ANXA8: variants seen among roughly 807,000 people sequenced by gnomAD.
ANXA8 encodes VAC-beta.
A neutral mutation model predicts 26.8 loss-of-function variants in ANXA8; 9 were observed. The observed-to-expected ratio is 0.34, with a 90% confidence interval of 0.20 to 0.59. The LOEUF is 0.59. Among genes scored for constraint, ANXA8 ranks in the 20% least tolerant of loss-of-function variants. The pLI is 0.84. For missense variants in ANXA8, 83 were observed against 238.5 expected (o/e 0.35, Z 4.29); for synonymous variants, 39 against 94.8 (o/e 0.41, Z 3.42).
chr10:47,493,163 G>C, the ANXA8 span, among the ~76,000 whole-genome samples: 2 of 149,526 alleles, frequency 1.3e-5, 1 homozygote, highest in African/African-American at 4.9e-5. Flanking sequence ...CAATTTAGAG[G>C]GGCCTCTTTA....
the ANXA8 span, among the ~76,000 whole-genome samples, chr10:47,696,130 T>G: frequency 6.6e-6 from 1 of 151,918 alleles, no homozygotes. Context: ...TTTCCTTATG[T>G]AAATAAAAGC....
the ANXA8 span, among the ~76,000 whole-genome samples, chr10:47,975,787 G>T: frequency 0.053 from 7,508 of 140,532 alleles, 1 homozygote; most frequent in African/African-American, 0.2. Context: ...TACAGAGAAG[G>T]CTCTACAGAC....
chr10:47,954,345 A>G, the ANXA8 span, among the ~76,000 whole-genome samples: 1 of 151,154 alleles, frequency 6.6e-6, no homozygotes, highest in Non-Finnish European at 1.5e-5. Flanking sequence ...AAAATTAAAA[A>G]TATTGAACTC....
the ANXA8 span, among the ~76,000 whole-genome samples, chr10:47,540,344 A>G: frequency 1.0e-5 from 1 of 96,950 alleles, no homozygotes; most frequent in Non-Finnish European, 2.0e-5. Context: ...GATCTGATAA[A>G]CACCGGAAGA....
the ANXA8 span, among the ~76,000 whole-genome samples, chr10:47,733,207 T>TCTCTC: frequency 4.4e-5 from 4 of 90,054 alleles, no homozygotes; most frequent in South Asian, 4.1e-4. Context: ...CTTTCTTTCT[T>TCTCTC]TCTTTCTTTC....
the ANXA8 span, among the ~76,000 whole-genome samples, chr10:47,743,283 C>CACATATATATACATAT: frequency 6.1e-5 from 5 of 81,988 alleles, no homozygotes; most frequent in Non-Finnish European, 1.2e-4. Flanking sequence ...TATATACACA[C>CACATATATATACATAT]ATATATATAT....
the ANXA8 span, among the ~76,000 whole-genome samples, chr10:47,775,472 G>A: frequency 7.2e-6 from 1 of 138,988 alleles, no homozygotes; most frequent in Non-Finnish European, 1.6e-5. Flanking sequence ...AGAGCTGTGA[G>A]GACATAAACA....
the ANXA8 span, among the ~76,000 whole-genome samples, chr10:47,554,384 G>C: frequency 6.7e-6 from 1 of 150,346 alleles, no homozygotes; most frequent in Non-Finnish European, 1.5e-5. Flanking sequence ...TGAGGGCAGG[G>C]ACAAACTGAC....
chr10:47,528,555 T>C, the ANXA8 span, among the ~76,000 whole-genome samples: 25 of 151,466 alleles, frequency 1.7e-4, no homozygotes, highest in African/African-American at 5.6e-4. Context: ...AGGAGTTCAA[T>C]TATAAATAAG....
At chr10:47,733,247 CTTTCTTTCTT>C in the ANXA8 span, among the ~76,000 whole-genome samples, 17 of 87,578 alleles carry the variant, frequency 1.9e-4, 1 homozygote, top group African/African-American at 7.4e-4. Flanking sequence ...TTCTTTCTTT[CTTTCTTTCTT>C]TCTTTCTTTC....
At chr10:47,948,850 G>A in the ANXA8 span, among the ~76,000 whole-genome samples, 5 of 151,658 alleles carry the variant, frequency 3.3e-5, no homozygotes, top group Non-Finnish European at 7.4e-5. Flanking sequence ...TAAGAAATGT[G>A]GGTGGGCTTC....
the ANXA8 span, chr10:47,520,516 C>A: frequency 6.6e-7 from 1 of 1,514,148 alleles, no homozygotes; most frequent in Non-Finnish European, 8.8e-7. Flanking sequence ...TTGAGAGTTC[C>A]TCTGGAATAT....
At chr10:47,513,097 T>G in the ANXA8 span, among the ~76,000 whole-genome samples, 1 of 145,836 alleles carries the variant, frequency 6.9e-6, no homozygotes, top group Non-Finnish European at 1.5e-5. Flanking sequence ...TGCAATGCGG[T>G]GATCTTGGCT....
At chr10:47,490,427 G>A in the ANXA8 span, 2 of 150,984 alleles carry the variant, frequency 1.3e-5, no homozygotes, top group Admixed American at 6.5e-5. Context: ...TGGGAGCAGG[G>A]CGCTATCGCG....
the ANXA8 span, chr10:47,986,577 C>T: frequency 2.8e-6 from 1 of 355,932 alleles, no homozygotes; most frequent in Admixed American, 3.8e-5. Context: ...AGCAGTGACC[C>T]ACAGGGGCCA....
the ANXA8 span, among the ~76,000 whole-genome samples, chr10:47,648,330 A>G: frequency 1.3e-5 from 2 of 151,356 alleles, no homozygotes; most frequent in African/African-American, 2.4e-5. Flanking sequence ...TTTCAGAGAA[A>G]TGTGGCTAAA....
the ANXA8 span, among the ~76,000 whole-genome samples, chr10:47,744,423 T>TGGGGGGGGAGGGGGGAAGGGGGGGGGC: frequency 1.6e-4 from 1 of 6,438 alleles, no homozygotes; most frequent in Non-Finnish European, 2.7e-4. Flanking sequence ...GGGGGGGGGT[T>TGGGGGGGGAGGGGGGAAGGGGGGGGGC]GGGGGGGAGG....
At chr10:47,679,460 A>G in the ANXA8 span, among the ~76,000 whole-genome samples, 1 of 152,076 alleles carries the variant, frequency 6.6e-6, no homozygotes, top group Admixed American at 6.5e-5. Flanking sequence ...ATAGAAATAT[A>G]AAAAGTTAGC....
the ANXA8 span, among the ~76,000 whole-genome samples, chr10:47,949,997 T>C: frequency 2.0e-5 from 3 of 149,654 alleles, no homozygotes; most frequent in Non-Finnish European, 3.0e-5. Flanking sequence ...CTCAACTCTA[T>C]GTTGTCTGAA....
Sources: gnomAD v4.1 joint callset for allele counts (sites outside exome capture counted in the v4.1 genomes callset) on GRCh38, gnomAD v4.1.1 for gene constraint, MANE v1.5 for transcripts, NCBI Gene and HGNC (gene_info 2026-07-23, HGNC 2026-07-21) for gene names.